The following ZNF674 variants were observed in gnomAD, a reference collection of about 807,000 sequenced individuals.
ZNF674 encodes zinc finger protein 674, also known as zinc finger family member 674.
ZNF674 carries 2 observed loss-of-function variants against 7.0 expected under a neutral mutation model. The ratio of observed to expected loss-of-function variants is 0.29; its 90% CI spans 0.12 to 0.90. The LOEUF (loss-of-function observed/expected upper bound fraction) is 0.90. Among genes scored for constraint, ZNF674 ranks in the 40% least tolerant of loss-of-function variants. The pLI is 0.57. For missense variants in ZNF674, 297 were observed against 415.5 expected (o/e 0.71, Z 2.48); for synonymous variants, 103 against 145.2 (o/e 0.71, Z 2.09).
intron 5 of ZNF674, among the ~76,000 whole-genome samples, chrX:46,504,572 AC>A (rs1569467874): frequency 9.0e-6 from 1 of 110,860 alleles, no homozygotes; most frequent in East Asian, 2.8e-4. Context: ...CAAACACCTG[AC>A]CTCATGCGAT....
intron 3 of ZNF674, among the ~76,000 whole-genome samples, chrX:46,533,455 T>C (rs1186965587): frequency 9.0e-6 from 1 of 111,107 alleles, no homozygotes; most frequent in Non-Finnish European, 1.9e-5. Context: ...AATAACCCAC[T>C]GGCTGGTTAC....
chrX:46,525,721 G>C (rs143243178), intron 5 of ZNF674, among the ~76,000 whole-genome samples: 1,287 of 111,176 alleles, frequency 0.012, 14 homozygotes, highest in African/African-American at 0.028. Context: ...CATAGGAAAT[G>C]TCAAGCTATC....
At chrX:46,523,388 T>C (rs1941949392) in intron 5 of ZNF674, 1 of 117,190 alleles carries the variant, frequency 8.5e-6, no homozygotes, top group Admixed American at 9.5e-5. Flanking sequence ...TAGAGTGCAG[T>C]GGCACGATCT....
chrX:46,535,656 T>C (rs969673450), intron 3 of ZNF674, among the ~76,000 whole-genome samples: 23 of 112,126 alleles, frequency 2.1e-4, no homozygotes, highest in Non-Finnish European at 3.8e-5. Flanking sequence ...TTAATAATAC[T>C]TAGTACAGTC....
chrX:46,520,579 TTACTTCTTACA>T (rs766265687), intron 5 of ZNF674, among the ~76,000 whole-genome samples: 2 of 111,306 alleles, frequency 1.8e-5, no homozygotes, highest in Admixed American at 1.9e-4. Context: ...TCTCTTTGTA[TTACTTCTTACA>T]AGTGCATGAG....
rs747046287 is a variant in ZNF674 at position 46,534,445 on chromosome X, G to A, written c.16-5536C>T. Reference sequence around the variant, plus strand: ...CAGCCTCAACCTCCCGGGCTCAAGCGATCCTCCTGAACTCAAGTGATCCTC... The same window carrying A: ...CAGCCTCAACCTCCCGGGCTCAAGCAATCCTCCTGAACTCAAGTGATCCTC... On this transcript the variant is annotated intron_variant, in intron 3 of 5. Transcript: ENST00000683375. Among the ~76,000 whole-genome samples, 10 of 111,354 alleles carry A rather than the reference G, an allele frequency of 9.0e-5. 1 individual carries two copies. In the South Asian group the frequency reaches 3.8e-3, roughly 43 times the overall value.
At chrX:46,510,069 C>G (rs774412975) in intron 5 of ZNF674, among the ~76,000 whole-genome samples, 187 of 98,288 alleles carry the variant, frequency 1.9e-3, no homozygotes, top group African/African-American at 6.8e-3. Context: ...TGTTCTCACT[C>G]ATAGGTGGGA....
At position 46,499,897 on chromosome X, in the gene ZNF674, C is replaced by A. The variant is rs1156412967; in HGVS notation, c.1677G>T (p.Gly559=). The change falls in exon 6 of 6, where the codon GGG becomes GGT. Residue 559 remains glycine, a synonymous_variant. Coordinates refer to ENST00000683375, the MANE Select transcript of ZNF674 (RefSeq NM_001190417.2). ...TCTGATGTTTAATGAGAGTTGACTTCCCACTGAATGCTTTCCCACAGTCTC... is the reference window on the plus strand; with the variant it reads ...TCTGATGTTTAATGAGAGTTGACTTACCACTGAATGCTTTCCCACAGTCTC... The part of the protein sequence containing the change: ...ECRDCGKAFS[G]KSTLIKHQRS... The A allele has an allele frequency of 1.7e-6, 2 of 1,163,745 alleles. No individual in the cohort carries two copies. The highest frequency in any genetic ancestry group is 1.1e-6 in the Non-Finnish European group (1 of 872,040).
intron 5 of ZNF674, among the ~76,000 whole-genome samples, chrX:46,511,617 G>A (rs754955417): frequency 2.7e-5 from 3 of 112,484 alleles, no homozygotes; most frequent in Non-Finnish European, 5.6e-5. Flanking sequence ...TGGAATCCCA[G>A]AGTTTTCCTT....
Position 46,501,298 on chromosome X carries a change from C to G in ZNF674, c.276G>C (p.Lys92Asn). The change falls in exon 6 of 6, where the codon AAG becomes AAC. Residue 92 changes from lysine to asparagine, a missense_variant. Lys to Asn is a moderately conservative substitution (Grantham distance 94, BLOSUM62 0). Coordinates refer to ENST00000683375, the MANE Select transcript of ZNF674 (RefSeq NM_001190417.2). ...GCCACAGAAATTTGTCTTGGCTTTCCTTGTAGTGATCTATCTGCTCGTCAA... is the reference window on the plus strand; with the variant it reads ...GCCACAGAAATTTGTCTTGGCTTTCGTTGTAGTGATCTATCTGCTCGTCAA... ...WEVDEQIDHY[K>N]ESQDKFLWQA... The G allele has an allele frequency of 8.3e-7, 1 of 1,210,293 alleles. No homozygotes were observed. Among genetic ancestry groups the G allele is most frequent in the Non-Finnish European group, 1.1e-6 (1 of 895,040 alleles).
chrX:46,518,719 CAAA>C (rs376915363), intron 5 of ZNF674, among the ~76,000 whole-genome samples: 4 of 75,725 alleles, frequency 5.3e-5, no homozygotes, highest in African/African-American at 1.0e-4. Flanking sequence ...ACTAAAAATA[CAAA>C]AAAAAAAAAA....
intron 5 of ZNF674, among the ~76,000 whole-genome samples, chrX:46,501,908 T>TTA (rs750102635): frequency 0.14 from 14,322 of 104,068 alleles, 2,222 homozygotes; most frequent in African/African-American, 0.43. Context: ...GCCCTTGCAG[T>TTA]TATATATATA....
At position 46,500,099 on chromosome X, in the gene ZNF674, T is replaced by C; in HGVS notation, c.1475A>G (p.Tyr492Cys). The C allele has an allele frequency of 8.3e-7, 1 of 1,212,085 alleles. No homozygotes were observed. The highest frequency in any genetic ancestry group is 1.8e-5 in the South Asian group (1 of 57,039). The change falls in exon 6 of 6, where the codon TAT (tyrosine) becomes TGT (cysteine). Residue 492 changes from tyrosine to cysteine, a missense_variant. Tyr to Cys is a radical substitution (Grantham distance 194, BLOSUM62 -2). Coordinates refer to ENST00000683375, the MANE Select transcript of ZNF674 (RefSeq NM_001190417.2). ...GGCTTTTTTACAGTCAGTGCATTCA[T>C]AGGGTCTCTCTCCTGTATGAATTCT... ...HQRIHTGERP[Y>C]ECTDCKKAFS... is the part of the protein sequence containing the mutation.
chrX:46,533,380 C>T (rs994767941), intron 3 of ZNF674, among the ~76,000 whole-genome samples: 5 of 111,069 alleles, frequency 4.5e-5, no homozygotes, highest in African/African-American at 1.6e-4. Context: ...AGACTTACAT[C>T]AATTAAACTC....
chrX:46,509,787 G>C (rs1373078986), intron 5 of ZNF674, among the ~76,000 whole-genome samples: 10 of 101,706 alleles, frequency 9.8e-5, no homozygotes, highest in Non-Finnish European at 1.8e-4. Flanking sequence ...TCCCATTACT[G>C]GGTATATACC....
intron 5 of ZNF674, among the ~76,000 whole-genome samples, chrX:46,521,634 G>A (rs749707324): frequency 2.8e-5 from 3 of 108,209 alleles, no homozygotes; most frequent in Non-Finnish European, 5.8e-5. Context: ...CAGTACTTTG[G>A]GAGGCCAAGG....
In ZNF674 at chrX:46,498,529, A is replaced by G. The variant is rs1048300719; in HGVS notation, c.*1314T>C. The G allele has an allele frequency of 9.0e-6, 1 of 110,601 alleles. No individual in the cohort carries two copies. The highest frequency in any genetic ancestry group is 3.8e-4 in the South Asian group (1 of 2,663). The allele number at this position is 110,601 out of a possible 1,213,427, so 9.1% of individuals were successfully genotyped here. A position where few individuals can be genotyped will look rare whatever the true frequency, so the allele number is the denominator to read the frequency against. On this transcript the variant is annotated 3_prime_UTR_variant, in exon 6 of 6. Transcript: ENST00000683375. ...CAGGAAGCATTTTTTCTATTTGTTT[A>G]GGAAAATAATCTGGGAGTTTGCCCC...
chrX:46,508,991 A>G (rs1475528478), intron 5 of ZNF674, among the ~76,000 whole-genome samples: 1 of 110,988 alleles, frequency 9.0e-6, no homozygotes, highest in African/African-American at 3.3e-5. Flanking sequence ...CCGCATATCG[A>G]CAACTATCTG....
chrX:46,543,404 C>T, intron 2 of ZNF674, among the ~76,000 whole-genome samples: 1 of 111,802 alleles, frequency 8.9e-6, no homozygotes. Context: ...AAACAGAGCC[C>T]TAGAGGTGAA....
Sources: gnomAD v4.1 joint callset for allele counts (sites outside exome capture counted in the v4.1 genomes callset) on GRCh38, gnomAD v4.1.1 for gene constraint, MANE v1.5 for transcripts, NCBI Gene and HGNC (gene_info 2026-07-23, HGNC 2026-07-21) for gene names.